HNRNPU: variants seen among roughly 807,000 people sequenced by gnomAD.
HNRNPU encodes the protein HNRNPU antisense RNA 1.
A neutral mutation model predicts 94.7 loss-of-function variants in HNRNPU; 5 were observed. That is an observed-to-expected ratio of 0.05 (90% CI 0.03 to 0.11). The LOEUF is 0.11. HNRNPU is among the 10% of genes least tolerant of loss of function. The probability of loss-of-function intolerance (pLI) is 1.00; values close to 1 mark genes in which losing one functional copy is unlikely to be tolerated. For synonymous variants in HNRNPU, 434 were observed against 381.6 expected (o/e 1.14, Z -1.60); for missense variants, 710 against 1,049.2 (o/e 0.68, Z 4.47).
chr1:244,854,928 T>C (rs1323983586), intron 13 of HNRNPU, 45 bp downstream of exon 13: 5 of 1,411,102 alleles, frequency 3.5e-6, no homozygotes, highest in African/African-American at 1.4e-5. Flanking sequence ...TCTTAGGAAC[T>C]CAAAATACAA....
At position 244,863,738 on chromosome 1, in the gene HNRNPU, G is replaced by A; in HGVS notation, c.570C>T (p.Pro190=). ...CCACCGTCACCGCGAACAGCGAGGTGGGGCCGCTGCTCTTCCCCGCGGCCT... is the reference window on the plus strand; with the variant it reads ...CCACCGTCACCGCGAACAGCGAGGTAGGGCCGCTGCTCTTCCCCGCGGCCT... ...AKEAAGKSSG[P]TSLFAVTVAP... Residue 190 remains proline (P), a synonymous_variant, in exon 1 of 14, where the codon CCC becomes CCT. Transcript: ENST00000640218. The A allele has an allele frequency of 1.9e-6, 3 of 1,573,950 alleles. No individual in the cohort carries two copies. The highest frequency in any genetic ancestry group is 2.4e-5 in the East Asian group (1 of 42,432).
At chr1:244,861,755 AAAAAAAAC>A in intron 3 of HNRNPU, 1 of 152,156 alleles carries the variant, frequency 6.6e-6, no homozygotes, top group African/African-American at 2.4e-5. Context: ...AAAAAAAAAA[AAAAAAAAC>A]AAGTCTGACA....
rs1211626068 is a variant in HNRNPU, at chr1:244,851,258, T to C, written c.*3192A>G. The C allele has an allele frequency of 6.6e-6, 1 of 152,134 alleles. No homozygotes were observed. The highest frequency in any genetic ancestry group is 1.5e-5 in the Non-Finnish European group (1 of 68,004). 9.4% of individuals were successfully genotyped at this position (152,134 alleles called of 1,614,324 possible). A position where few individuals can be genotyped will look rare whatever the true frequency, so the allele number is the denominator to read the frequency against. The stretch of plus-strand genomic sequence containing the variant: ...TATGCCTCTCTGTTTATTCTAGTTT[T>C]TTAAAAATCAAATATACAAGATCTA... On this transcript the variant is annotated 3_prime_UTR_variant, in exon 14 of 14. Coordinates refer to ENST00000640218, the MANE Select transcript of HNRNPU (RefSeq NM_031844.3).
At chr1:244,855,689 C>T in intron 11 of HNRNPU, 81 bp from the exon 12 acceptor site, 1 of 1,438,624 alleles carries the variant, frequency 7.0e-7, no homozygotes, top group Non-Finnish European at 9.5e-7. Context: ...CTAGATTGTT[C>T]CTTTTTCTCC....
In HNRNPU at chr1:244,854,288, C is replaced by A; in HGVS notation, c.*162G>T. ...CTTTTAAACTGCAATTAAAAATGTA[C>A]AAAAAAGAAAAGAAAAAAAATCAAC... On this transcript the variant is annotated 3_prime_UTR_variant, in exon 14 of 14. Coordinates refer to ENST00000640218, the MANE Select transcript of HNRNPU (RefSeq NM_031844.3). 1.6e-6 allele frequency: 1 copy of A among 629,296 alleles called. No homozygotes were observed. Among genetic ancestry groups the A allele is most frequent in the Non-Finnish European group, 2.8e-6 (1 of 351,394 alleles). The allele number at this position is 629,296 out of a possible 1,614,324, so 39.0% of individuals were successfully genotyped here.
At chr1:244,858,406 G>A (rs1680736387) in intron 6 of HNRNPU, 132 bp from the exon 7 acceptor site, 3 of 760,438 alleles carry the variant, frequency 3.9e-6, no homozygotes, top group Non-Finnish European at 6.3e-6. Flanking sequence ...TGGCCTTTAA[G>A]GGCTACACAG....
rs1253540186 is a variant in HNRNPU, at chr1:244,853,912, G to A, written c.*538C>T. Reference sequence around the variant, plus strand: ...TTAAGAAAAAACCTTCCCAGTTATTGTCAGAAACTATGATTTAGCTTACCC... The same window carrying A: ...TTAAGAAAAAACCTTCCCAGTTATTATCAGAAACTATGATTTAGCTTACCC... On this transcript the variant is annotated 3_prime_UTR_variant, in exon 14 of 14. Transcript: ENST00000640218. The A allele has an allele frequency of 6.6e-6, 1 of 152,562 alleles. No individual in the cohort carries two copies. Among genetic ancestry groups the A allele is most frequent in the African/African-American group, 2.4e-5 (1 of 41,354 alleles). 9.5% of individuals were successfully genotyped at this position (152,562 alleles called of 1,614,324 possible).
At chr1:244,854,801 C>A (rs1056597333) in intron 13 of HNRNPU, 172 bp downstream of exon 13, 3 of 532,068 alleles carry the variant, frequency 5.6e-6, no homozygotes, top group Non-Finnish European at 9.9e-6. Context: ...AATCTTCAAC[C>A]TATTTTGCCT....
chr1:244,862,870 G>A (rs910373174), intron 1 of HNRNPU, 140 bp from the exon 2 acceptor site: 6 of 693,526 alleles, frequency 8.7e-6, no homozygotes, highest in Admixed American at 2.4e-5. Flanking sequence ...TGAATTCAAA[G>A]AACAATCAAC....
At position 244,858,085 on chromosome 1, in the gene HNRNPU, T is replaced by C. The variant is rs1411567111; in HGVS notation, c.1420A>G (p.Thr474Ala). The C allele has an allele frequency of 6.2e-7, 1 of 1,614,088 alleles. No homozygotes were observed. ...KPYFPIPEEYTFIQNVPLEDR... is the reference protein window; with the variant it reads ...KPYFPIPEEYAFIQNVPLEDR... The stretch of plus-strand genomic sequence containing the variant: ...TCTAAGGGGACGTTCTGGATGAAAG[T>C]ATACTCTTCAGGTATTGGAAAATAT... The change falls in exon 7 of 14, where the codon ACT becomes GCT. Residue 474 changes from threonine to alanine, a missense_variant. Coordinates refer to ENST00000640218, the MANE Select transcript of HNRNPU (RefSeq NM_031844.3).
In HNRNPU at chr1:244,864,046, C is replaced by T; in HGVS notation, c.262G>A (p.Glu88Lys). ...AAAGGDEEEEEEEEEEEGISA... is the reference protein window; with the variant it reads ...AAAGGDEEEEKEEEEEEGISA... ...ATTCCTTCCTCCTCCTCTTCCTCTT[C>T]CTCCTCCTCTTCATCGCCGCCGGCC... Residue 88 changes from glutamate to lysine, a missense_variant, in exon 1 of 14, where the codon GAA becomes AAA. Physicochemically the swap from Glu to Lys is moderately conservative, Grantham distance 56. This residue lies in a region of HNRNPU where 292 missense variants were observed against 293.4 expected (regional missense o/e 1.00). Coordinates refer to ENST00000640218, the MANE Select transcript of HNRNPU (RefSeq NM_031844.3). 1 of 1,609,312 alleles carries T rather than the reference C, an allele frequency of 6.2e-7. No homozygotes were observed. The highest frequency in any genetic ancestry group is 8.5e-7 in the Non-Finnish European group (1 of 1,177,998).
In HNRNPU at chr1:244,860,255, C is replaced by T. The variant is rs377489390; in HGVS notation, c.1017+80G>A. The T allele has an allele frequency of 4.6e-5, 59 of 1,269,662 alleles. No homozygotes were observed. In the East Asian group the frequency reaches 1.2e-3, roughly 25 times the overall value. The allele number at this position is 1,269,662 out of a possible 1,614,324, so 78.6% of individuals were successfully genotyped here. A position where few individuals can be genotyped will look rare whatever the true frequency, so the allele number is the denominator to read the frequency against. ...CGCGGAGGTTGCAGTGAGCCTAGGT[C>T]GCACCACGGCAATCCAGCCTAGGGA... is the stretch of plus-strand genomic sequence containing the variant. On this transcript the variant is annotated intron_variant, in intron 4 of 13. Transcript: ENST00000640218.
At chr1:244,857,157 C>G (rs1473261443) in intron 8 of HNRNPU, 6 of 275,834 alleles carry the variant, frequency 2.2e-5, no homozygotes, top group Non-Finnish European at 3.3e-5. Context: ...TCTTGCCTTT[C>G]CTCCCATCTC....
Position 244,856,723 on chromosome 1 carries a change from C to A in HNRNPU, c.1743+5G>T. The A allele has an allele frequency of 6.2e-7, 1 of 1,610,728 alleles. No individual in the cohort carries two copies. Among genetic ancestry groups the A allele is most frequent in the Non-Finnish European group, 8.5e-7 (1 of 1,178,980 alleles). ...ATATTTTTCAATTTCAAAGCTACAGCGTACCTGATCCAGAATAAAATTTCG... is the reference window on the plus strand; with the variant it reads ...ATATTTTTCAATTTCAAAGCTACAGAGTACCTGATCCAGAATAAAATTTCG... On this transcript the variant is annotated splice_donor_5th_base_variant and intron_variant, in intron 9 of 13. Coordinates refer to ENST00000640218, the MANE Select transcript of HNRNPU (RefSeq NM_031844.3).
chr1:244,854,172 A>T lies in HNRNPU; in HGVS notation c.*278T>A. 1 of 309,078 alleles carries T rather than the reference A, an allele frequency of 3.2e-6. No homozygotes were observed. The allele number at this position is 309,078 out of a possible 1,614,324, so 19.1% of individuals were successfully genotyped here. ...TTACTTCTGTTGTGATAAAAAAAAA[A>T]AAAAGTCACATTTTACAGATAAAAT... is the stretch of plus-strand genomic sequence containing the variant. On this transcript the variant is annotated 3_prime_UTR_variant, in exon 14 of 14. Transcript: ENST00000640218.
At chr1:244,858,405 A>G in intron 6 of HNRNPU, 131 bp from the exon 7 acceptor site, 1 of 761,572 alleles carries the variant, frequency 1.3e-6, no homozygotes, top group East Asian at 2.7e-5. Flanking sequence ...GTGGCCTTTA[A>G]GGGCTACACA....
chr1:244,861,757 A>C (rs987173287), intron 3 of HNRNPU: 1 of 152,024 alleles, frequency 6.6e-6, no homozygotes, highest in Non-Finnish European at 1.5e-5. Flanking sequence ...AAAAAAAAAA[A>C]AAAAACAAGT....
rs1023031250 is a variant in HNRNPU, at chr1:244,863,607, C to T, written c.691+10G>A. 6.0e-6 allele frequency: 9 copies of T among 1,501,846 alleles called. No homozygotes were observed. The highest frequency in any genetic ancestry group is 1.5e-5 in the African/African-American group (1 of 68,414). The allele number at this position is 1,501,846 out of a possible 1,614,324, so 93.0% of individuals were successfully genotyped here. ...CTCCCGCCGCGCGCAACGTACAACG[C>T]AGCACTCACCCGCCGCCGGAGCCCC... is the stretch of plus-strand genomic sequence containing the variant. On this transcript the variant is annotated intron_variant, in intron 1 of 13. Coordinates refer to ENST00000640218, the MANE Select transcript of HNRNPU (RefSeq NM_031844.3).
Position 244,864,266 on chromosome 1 carries a change from C to T in HNRNPU, c.42G>A (p.Ser14=), listed in dbSNP as rs749066365. 1.9e-6 allele frequency: 3 copies of T among 1,613,354 alleles called. No individual in the cohort carries two copies. The highest frequency in any genetic ancestry group is 2.5e-6 in the Non-Finnish European group (3 of 1,179,796). Residue 14 remains serine (S), a synonymous_variant, in exon 1 of 14, where the codon TCG becomes TCA. Transcript: ENST00000640218. ...SPVNVKKLKV[S]ELKEELKKRR... ...GCTTCTTGAGCTCCTCTTTCAGCTCCGACACCTTCAGCTTTTTTACATTAA... is the reference window on the plus strand; with the variant it reads ...GCTTCTTGAGCTCCTCTTTCAGCTCTGACACCTTCAGCTTTTTTACATTAA...
Sources: gnomAD v4.1 joint callset for allele counts on GRCh38, gnomAD v4.1.1 for gene constraint, gnomAD v4.1.1 regional missense constraint, MANE v1.5 for transcripts, NCBI Gene and HGNC (gene_info 2026-07-23, HGNC 2026-07-21) for gene names.